The following CNTLN variants were observed in gnomAD, a reference collection of about 807,000 sequenced individuals.
The protein encoded by CNTLN is centlein.
In CNTLN, 212 loss-of-function variants were observed where a neutral mutation model predicts 180.0. The ratio of observed to expected loss-of-function variants is 1.18; its 90% CI spans 1.05 to 1.32. CNTLN has a LOEUF of 1.32. CNTLN is among the 40% of genes most tolerant of loss of function. CNTLN has a pLI of 0.00. For missense variants in CNTLN, 2,095 were observed against 1,610.9 expected, an observed-to-expected ratio of 1.30 and a Z score of -5.14; for synonymous variants, 722 against 563.1, an observed-to-expected ratio of 1.28 and a Z score of -3.99.
intron 6 of CNTLN, among the ~76,000 whole-genome samples, chr9:17,293,312 C>T (rs989602633): frequency 1.3e-5 from 2 of 152,230 alleles, no homozygotes; most frequent in African/African-American, 4.8e-5. Flanking sequence ...AGCGGGTGCG[C>T]TGTGCTGTGG....
intron 2 of CNTLN, among the ~76,000 whole-genome samples, chr9:17,184,729 C>G (rs1428195997): frequency 6.6e-6 from 1 of 152,118 alleles, no homozygotes; most frequent in Admixed American, 6.5e-5. Flanking sequence ...TTCATTAAAA[C>G]AACAATAGGA....
At chr9:17,359,709 G>A (rs1181834258) in intron 12 of CNTLN, among the ~76,000 whole-genome samples, 1 of 44,012 alleles carries the variant, frequency 2.3e-5, no homozygotes, top group African/African-American at 6.7e-5. Context: ...GTGAAACTCC[G>A]TCTATACTAA....
intron 8 of CNTLN, among the ~76,000 whole-genome samples, chr9:17,316,354 C>T (rs1819538820): frequency 6.6e-6 from 1 of 151,924 alleles, no homozygotes; most frequent in African/African-American, 2.4e-5. Context: ...TTGTAGACAC[C>T]ATATAGTTGA....
At chr9:17,359,725 CAAAAA>C (rs1176814681) in intron 12 of CNTLN, among the ~76,000 whole-genome samples, 834 of 21,296 alleles carry the variant, frequency 0.039, 18 homozygotes, top group African/African-American at 0.099. Flanking sequence ...ACTAAAAATA[CAAAAA>C]AAAAAAAAAA....
intron 25 of CNTLN, among the ~76,000 whole-genome samples, chr9:17,492,362 G>A (rs897886083): frequency 6.6e-6 from 1 of 151,824 alleles, no homozygotes; most frequent in South Asian, 2.1e-4. Context: ...AAAGAAGTTT[G>A]TAACCAGTAT....
At chr9:17,159,729 C>A (rs954696993) in intron 2 of CNTLN, among the ~76,000 whole-genome samples, 3 of 152,094 alleles carry the variant, frequency 2.0e-5, no homozygotes, top group Non-Finnish European at 4.4e-5. Context: ...GGAATGGAGA[C>A]TACACCGTGT....
At chr9:17,277,678 G>A (rs1828398248) in intron 6 of CNTLN, among the ~76,000 whole-genome samples, 1 of 152,042 alleles carries the variant, frequency 6.6e-6, no homozygotes, top group South Asian at 2.1e-4. Context: ...AGTTTATCAT[G>A]CTTGGTGGAT....
chr9:17,263,619 C>G (rs1157661422), intron 5 of CNTLN, among the ~76,000 whole-genome samples: 2 of 147,056 alleles, frequency 1.4e-5, no homozygotes, highest in Non-Finnish European at 3.0e-5. Flanking sequence ...AATTGCCACA[C>G]TGACTTCCAC....
In CNTLN at chr9:17,266,237, G is replaced by A. The variant is rs554475917; in HGVS notation, c.850-7496G>A. On this transcript the variant is annotated intron_variant, in intron 5 of 25. Coordinates refer to ENST00000380647, the MANE Select transcript of CNTLN (RefSeq NM_017738.4). ...TGTTCCAGAGATTCTGGTATGCTGT[G>A]TCTTTGTTATCATTGGTTTCAAATA... Among the ~76,000 whole-genome samples, 5 of 152,242 alleles carry A rather than the reference G, an allele frequency of 3.3e-5. No individual in the cohort carries two copies. In the South Asian group the frequency reaches 1.0e-3, roughly 32 times the overall value.
At chr9:17,236,869 T>G (rs1474438686) in intron 5 of CNTLN, among the ~76,000 whole-genome samples, 2 of 152,196 alleles carry the variant, frequency 1.3e-5, no homozygotes, top group African/African-American at 4.8e-5. Flanking sequence ...TTAGAATCAT[T>G]GGTTTTAACT....
chr9:17,433,517 C>T (rs1829555394), intron 18 of CNTLN, among the ~76,000 whole-genome samples: 2 of 152,058 alleles, frequency 1.3e-5, no homozygotes, highest in Non-Finnish European at 2.9e-5. Flanking sequence ...AACTCCTGAC[C>T]TCAGGTGATC....
chr9:17,307,155 G>A (rs968181726), intron 7 of CNTLN, among the ~76,000 whole-genome samples: 5 of 152,090 alleles, frequency 3.3e-5, no homozygotes, highest in African/African-American at 1.2e-4. Context: ...ATAAATTGAT[G>A]TTCTAAATTT....
At chr9:17,148,621 C>G (rs1818620669) in intron 2 of CNTLN, among the ~76,000 whole-genome samples, 1 of 152,084 alleles carries the variant, frequency 6.6e-6, no homozygotes, top group Non-Finnish European at 1.5e-5. Flanking sequence ...CTGAAGTCAT[C>G]AAAAACAAGC....
chr9:17,237,688 A>G (rs572319714), intron 5 of CNTLN, among the ~76,000 whole-genome samples: 2 of 152,092 alleles, frequency 1.3e-5, no homozygotes, highest in East Asian at 3.9e-4. Flanking sequence ...GTATTTGGAG[A>G]CCCCTGGCTG....
intron 6 of CNTLN, among the ~76,000 whole-genome samples, chr9:17,291,709 G>A (rs1829422419): frequency 6.6e-6 from 1 of 152,120 alleles, no homozygotes; most frequent in African/African-American, 2.4e-5. Context: ...CTTTGCATGT[G>A]AGATGGGTCT....
At chr9:17,159,179 T>G (rs1281370308) in intron 2 of CNTLN, among the ~76,000 whole-genome samples, 6 of 152,162 alleles carry the variant, frequency 3.9e-5, no homozygotes, top group South Asian at 2.1e-4. Context: ...TGCATTAAAA[T>G]TTTTTGACAT....
In CNTLN at chr9:17,174,159, A is replaced by G. The variant is rs192449741; in HGVS notation, c.449+30783A>G. On this transcript the variant is annotated intron_variant, in intron 2 of 25. Transcript: ENST00000380647. ...TCTGGTGATTCTTTCAAATTTTTGTATATATCAGTAGTTCATTTATTTTTA... is the reference window on the plus strand; with the variant it reads ...TCTGGTGATTCTTTCAAATTTTTGTGTATATCAGTAGTTCATTTATTTTTA... Among the ~76,000 whole-genome samples, 781 of 152,280 alleles carry G rather than the reference A, an allele frequency of 5.1e-3. 2 individuals carry two copies. The highest frequency in any genetic ancestry group is 8.4e-3 in the Non-Finnish European group (571 of 68,016).
In CNTLN at chr9:17,395,088, T is replaced by TA. The variant is rs1826415601; in HGVS notation, c.2615+20dup. The TA allele has an allele frequency of 6.3e-7, 1 of 1,588,476 alleles. No individual in the cohort carries two copies. Among genetic ancestry groups the TA allele is most frequent in the Admixed American group, 1.7e-5 (1 of 58,216 alleles). Reference sequence around the variant, plus strand: ...AAAGCAGGTAAGGCTCTCATTAACTTAGCTCTGTGGTGGGGACACTGCGCA... The same window carrying TA: ...AAAGCAGGTAAGGCTCTCATTAACTTAAGCTCTGTGGTGGGGACACTGCGCA... On this transcript the variant is annotated intron_variant, in intron 15 of 25. Transcript: ENST00000380647.
intron 2 of CNTLN, among the ~76,000 whole-genome samples, chr9:17,213,558 G>T (rs1382593021): frequency 6.6e-6 from 1 of 152,190 alleles, no homozygotes; most frequent in African/African-American, 2.4e-5. Context: ...GAGTTCTGTA[G>T]ATGTCTCTTA....
Sources: allele counts gnomAD v4.1 joint callset (sites outside exome capture counted in the v4.1 genomes callset), GRCh38; gene constraint gnomAD v4.1.1; transcripts MANE v1.5; gene names NCBI Gene and HGNC (gene_info 2026-07-23, HGNC 2026-07-21).